The following STAG1 variants were observed in gnomAD, a reference collection of about 807,000 sequenced individuals.
STAG1 encodes STAG1 cohesin complex component.
STAG1 carries 26 observed loss-of-function variants against 170.9 expected under a neutral mutation model. That is an observed-to-expected ratio of 0.15 (90% confidence interval 0.11 to 0.21). The LOEUF is 0.21. Ranked by LOEUF, STAG1 falls within the 10% of genes least tolerant of loss-of-function variation. STAG1 has a pLI of 1.00. For synonymous variants in STAG1, 514 were observed against 497.7 expected, an observed-to-expected ratio of 1.03 and a Z score of -0.44; for missense variants, 964 against 1,509.5, an observed-to-expected ratio of 0.64 and a Z score of 5.99.
At chr3:136,472,199 A>G (rs559296242) in intron 12 of STAG1, among the ~76,000 whole-genome samples, 135 of 152,314 alleles carry the variant, frequency 8.9e-4, no homozygotes, top group African/African-American at 3.2e-3. Context: ...TGCATAAAAT[A>G]ATTTTTATGT....
At chr3:136,509,541 T>C (rs1933944910) in intron 7 of STAG1, among the ~76,000 whole-genome samples, 1 of 151,950 alleles carries the variant, frequency 6.6e-6, no homozygotes, top group Non-Finnish European at 1.5e-5. Flanking sequence ...AAGTTGACGG[T>C]ATGAAGGAAG....
intron 1 of STAG1, among the ~76,000 whole-genome samples, chr3:136,681,493 T>A (rs1005908509): frequency 6.6e-6 from 1 of 152,150 alleles, no homozygotes; most frequent in Non-Finnish European, 1.5e-5. Flanking sequence ...CAAGGTAGTA[T>A]ACAAGGCATG....
intron 30 of STAG1, among the ~76,000 whole-genome samples, chr3:136,342,098 C>T (rs1408070965): frequency 1.3e-5 from 2 of 151,636 alleles, no homozygotes; most frequent in Admixed American, 1.3e-4. Context: ...TGGCTCACTG[C>T]AACCTCCGCC....
intron 3 of STAG1, among the ~76,000 whole-genome samples, chr3:136,607,157 G>A (rs1046300476): frequency 2.6e-5 from 4 of 151,994 alleles, no homozygotes; most frequent in Non-Finnish European, 5.9e-5. Context: ...GTTTTGTCAG[G>A]TTTCACTTCT....
rs1468926483 is a variant in STAG1, at chr3:136,404,861, ATATG to A, written c.2197-6036_2197-6033del. 2.3e-3 allele frequency among the ~76,000 whole-genome samples: 236 copies of A among 103,070 alleles called. 3 individuals carry two copies. The East Asian group carries it at 0.085, about 37-fold the overall frequency. 67.6% of individuals were successfully genotyped at this position (103,070 alleles called of 152,430 possible). Reference sequence around the variant, plus strand: ...AATAGTAAGGAAAATAATTATGCATATATGTGTGTGTGTGTGTGTGTGTGTGTGT... The same window carrying A: ...AATAGTAAGGAAAATAATTATGCATATGTGTGTGTGTGTGTGTGTGTGTGT... On this transcript the variant is annotated intron_variant, in intron 21 of 33. Coordinates refer to ENST00000383202, the MANE Select transcript of STAG1 (RefSeq NM_005862.3).
chr3:136,539,946 T>A (rs893662251), intron 6 of STAG1, among the ~76,000 whole-genome samples: 1 of 152,174 alleles, frequency 6.6e-6, no homozygotes, highest in Admixed American at 6.5e-5. Context: ...AATATATTAA[T>A]TTTAATAAAA....
intron 1 of STAG1, among the ~76,000 whole-genome samples, chr3:136,714,955 A>G (rs1269890967): frequency 1.5e-5 from 1 of 68,220 alleles, no homozygotes; most frequent in Non-Finnish European, 3.8e-5. Context: ...ATATATATAT[A>G]TATATATATT....
chr3:136,456,613 C>T (rs2089119410), intron 13 of STAG1, among the ~76,000 whole-genome samples: 1 of 152,170 alleles, frequency 6.6e-6, no homozygotes, highest in Non-Finnish European at 1.5e-5. Flanking sequence ...GCTGAAAATT[C>T]CCCAAATCTG....
intron 1 of STAG1, among the ~76,000 whole-genome samples, chr3:136,739,748 T>C (rs1576835273): frequency 6.6e-6 from 1 of 151,638 alleles, no homozygotes; most frequent in African/African-American, 2.4e-5. Context: ...CACTTGAACC[T>C]AGGAGGCAGA....
At chr3:136,617,693 G>C (rs1029329338) in intron 3 of STAG1, among the ~76,000 whole-genome samples, 2 of 152,182 alleles carry the variant, frequency 1.3e-5, no homozygotes, top group Admixed American at 1.3e-4. Flanking sequence ...GTCAGAGGTT[G>C]AGAGGAGCCA....
At chr3:136,696,590 T>C (rs899685731) in intron 1 of STAG1, among the ~76,000 whole-genome samples, 1 of 152,142 alleles carries the variant, frequency 6.6e-6, no homozygotes, top group Non-Finnish European at 1.5e-5. Flanking sequence ...ACCAATCTGC[T>C]GACAGTGGGG....
chr3:136,701,786 G>A (rs547365666), intron 1 of STAG1, among the ~76,000 whole-genome samples: 2 of 152,052 alleles, frequency 1.3e-5, no homozygotes, highest in Non-Finnish European at 2.9e-5. Flanking sequence ...CTTCTTTATA[G>A]GCACTGAAAC....
chr3:136,488,606 TC>T (rs1460084558), intron 9 of STAG1, among the ~76,000 whole-genome samples: 1 of 152,240 alleles, frequency 6.6e-6, no homozygotes, highest in East Asian at 1.9e-4. Flanking sequence ...TTTGTGGTTA[TC>T]CCTATGCCTA....
intron 15 of STAG1, among the ~76,000 whole-genome samples, chr3:136,438,838 C>G (rs1002718308): frequency 6.6e-6 from 1 of 152,014 alleles, no homozygotes; most frequent in African/African-American, 2.4e-5. Flanking sequence ...TTATTTACAG[C>G]TACTTCATTC....
rs922963101 is a variant in STAG1 at position 136,489,938 on chromosome 3, A to G, written c.902+10285T>C. Among the ~76,000 whole-genome samples, 5 of 152,234 alleles carry G rather than the reference A, an allele frequency of 3.3e-5. No homozygotes were observed. The East Asian group carries it at 9.6e-4, about 29-fold the overall frequency. On this transcript the variant is annotated intron_variant, in intron 9 of 33. Coordinates refer to ENST00000383202, the MANE Select transcript of STAG1 (RefSeq NM_005862.3). ...CTTTTGAAAGGTAGTAATGTGTAAG[A>G]GTAAACCCGAAGAGCTGAAACTGTG...
chr3:136,664,892 G>T (rs934102064), intron 1 of STAG1, among the ~76,000 whole-genome samples: 2 of 152,274 alleles, frequency 1.3e-5, no homozygotes, highest in South Asian at 4.1e-4. Flanking sequence ...AAAAAGAAAA[G>T]ATATTTTTTT....
intron 7 of STAG1, among the ~76,000 whole-genome samples, chr3:136,509,945 T>C (rs192035971): frequency 4.6e-5 from 7 of 152,244 alleles, no homozygotes; most frequent in Non-Finnish European, 7.3e-5. Flanking sequence ...GTGATTATAG[T>C]ACTTTATTTT....
At chr3:136,542,083 A>C in intron 6 of STAG1, 36 bp downstream of exon 6, 2 of 1,453,368 alleles carry the variant, frequency 1.4e-6, no homozygotes, top group Non-Finnish European at 1.9e-6. Context: ...GTGAAAGTAT[A>C]AGTAAGCAAT....
chr3:136,503,719 G>C lies in STAG1; in HGVS notation c.677-940C>G, dbSNP rs1268255859. ...ATATAATTAAAAACAAGCATGCACT[G>C]TTTCTAAAATTTCATTATTTTTATT... On this transcript the variant is annotated intron_variant, in intron 7 of 33. Transcript: ENST00000383202. Among the ~76,000 whole-genome samples the C allele has an allele frequency of 2.0e-5, 3 of 152,104 alleles. No individual in the cohort carries two copies. In the East Asian group the frequency reaches 5.8e-4, roughly 29 times the overall value.
Sources: gnomAD v4.1 joint callset for allele counts (sites outside exome capture counted in the v4.1 genomes callset) on GRCh38, gnomAD v4.1.1 for gene constraint, MANE v1.5 for transcripts, NCBI Gene and HGNC (gene_info 2026-07-23, HGNC 2026-07-21) for gene names.